SLC16A7: variants seen among roughly 807,000 people sequenced by gnomAD.
SLC16A7 encodes the protein monocarboxylate transporter 2.
Under a neutral mutation model 34.9 loss-of-function variants are expected in SLC16A7, and 33 were observed. The ratio of observed to expected loss-of-function variants is 0.94; its 90% confidence interval spans 0.72 to 1.26. The LOEUF (loss-of-function observed/expected upper bound fraction) is 1.26, where lower values mean the gene tolerates loss of function less well. SLC16A7 is among the 50% of genes most tolerant of loss of function. SLC16A7 has a pLI of 0.00. For synonymous variants in SLC16A7, 201 were observed against 206.6 expected, an observed-to-expected ratio of 0.97 and a Z score of 0.23; for missense variants, 573 against 578.1, an observed-to-expected ratio of 0.99 and a Z score of 0.09.
chr12:59,768,020 C>T, intron 3 of SLC16A7: 2 of 360,654 alleles, frequency 5.5e-6, no homozygotes, highest in Non-Finnish European at 1.1e-5. Flanking sequence ...TGCAGCACAC[C>T]AACATGGCCC....
intron 3 of SLC16A7, among the ~76,000 whole-genome samples, chr12:59,755,308 T>G (rs1880171399): frequency 6.6e-6 from 1 of 152,264 alleles, no homozygotes; most frequent in African/African-American, 2.4e-5. Flanking sequence ...AAAGAGGAAG[T>G]TAAATTGTCC....
At chr12:59,762,521 T>C (rs538791462) in intron 3 of SLC16A7, among the ~76,000 whole-genome samples, 3 of 152,272 alleles carry the variant, frequency 2.0e-5, no homozygotes, top group African/African-American at 4.8e-5. Context: ...AAGGGACATA[T>C]TCAATGTAAA....
chr12:59,624,969 G>A (rs939395121), intron 1 of SLC16A7, among the ~76,000 whole-genome samples: 4 of 151,774 alleles, frequency 2.6e-5, no homozygotes, highest in African/African-American at 9.7e-5. Context: ...AATGTCCCAA[G>A]AGGATATCTG....
chr12:59,671,930 C>CGTAT lies in SLC16A7; in HGVS notation c.-31+16680_-31+16681insGTAT, dbSNP rs1565640908. ...ACATATATGTATATATGTATATATC[C>CGTAT]ATATATGTATATATGTGTATATATG... On this transcript the variant is annotated intron_variant, in intron 2 of 5. Coordinates refer to ENST00000547379, the MANE Select transcript of SLC16A7 (RefSeq NM_001270623.2). Among the ~76,000 whole-genome samples the CGTAT allele has an allele frequency of 8.6e-4, 25 of 28,964 alleles. 5 individuals carry two copies. The highest frequency in any genetic ancestry group is 5.0e-3 in the African/African-American group (25 of 5,024). 19.0% of individuals were successfully genotyped at this position (28,964 alleles called of 152,430 possible).
At chr12:59,682,808 C>T (rs1047406231) in intron 2 of SLC16A7, among the ~76,000 whole-genome samples, 3 of 152,126 alleles carry the variant, frequency 2.0e-5, no homozygotes, top group Admixed American at 6.5e-5. Context: ...CAGTAGCTCA[C>T]GCCTGTAATC....
At chr12:59,645,881 A>T (rs142785290) in intron 1 of SLC16A7, among the ~76,000 whole-genome samples, 11,106 of 152,178 alleles carry the variant, frequency 0.073, 499 homozygotes, top group African/African-American at 0.12. Flanking sequence ...TCAGATGGAG[A>T]TGAGGAACTT....
At chr12:59,760,878 G>T (rs766726037) in intron 3 of SLC16A7, among the ~76,000 whole-genome samples, 11 of 152,112 alleles carry the variant, frequency 7.2e-5, no homozygotes, top group Admixed American at 1.3e-4. Flanking sequence ...AACGCTGAAA[G>T]TGAAACCTTG....
At position 59,789,256 on chromosome 12, in the gene SLC16A7, G is replaced by A. The variant is rs1883829819; in HGVS notation, c.*9577G>A. Reference sequence around the variant, plus strand: ...GCTACTACAGTATTCTACGATGCAGGCTGAATGTATATTACAGTAATTCTC... The same window carrying A: ...GCTACTACAGTATTCTACGATGCAGACTGAATGTATATTACAGTAATTCTC... On this transcript the variant is annotated 3_prime_UTR_variant, in exon 6 of 6. Coordinates refer to ENST00000547379, the MANE Select transcript of SLC16A7 (RefSeq NM_001270623.2). 1 of 152,012 alleles carries A rather than the reference G, an allele frequency of 6.6e-6. No individual in the cohort carries two copies. The highest frequency in any genetic ancestry group is 1.5e-5 in the Non-Finnish European group (1 of 67,966). 9.4% of individuals were successfully genotyped at this position (152,012 alleles called of 1,614,324 possible).
rs184450145 is a variant in SLC16A7, at chr12:59,614,114, G to A, written c.-130+17878G>A. 6.0e-5 allele frequency among the ~76,000 whole-genome samples: 9 copies of A among 150,744 alleles called. 1 individual carries two copies. The highest frequency in any genetic ancestry group is 2.1e-4 in the South Asian group (1 of 4,764). ...CACCCAAGCTGGAGTGCAGTGGTGC[G>A]ATCTCGACTCACTGCAGCCTTCGCC... On this transcript the variant is annotated intron_variant, in intron 1 of 5. Coordinates refer to ENST00000547379, the MANE Select transcript of SLC16A7 (RefSeq NM_001270623.2).
chr12:59,774,451 TTGAAA>T (rs1301238225), intron 4 of SLC16A7, among the ~76,000 whole-genome samples: 14 of 152,226 alleles, frequency 9.2e-5, no homozygotes, highest in Admixed American at 9.2e-4. Context: ...GGAATTAAAC[TTGAAA>T]TGAAACTGTC....
rs1212427341 is a variant in SLC16A7 at position 59,788,795 on chromosome 12, A to T, written c.*9116A>T. ...TGAAAGAACTGGCATTTTCATATGGATACATATTTTGCTTAAACTAAATAA... is the reference window on the plus strand; with the variant it reads ...TGAAAGAACTGGCATTTTCATATGGTTACATATTTTGCTTAAACTAAATAA... On this transcript the variant is annotated 3_prime_UTR_variant, in exon 6 of 6. Transcript: ENST00000547379. 4 of 152,066 alleles carry T rather than the reference A, an allele frequency of 2.6e-5. No homozygotes were observed. Among genetic ancestry groups the T allele is most frequent in the African/African-American group, 9.7e-5 (4 of 41,446 alleles). The allele number at this position is 152,066 out of a possible 1,614,324, so 9.4% of individuals were successfully genotyped here.
intron 4 of SLC16A7, among the ~76,000 whole-genome samples, chr12:59,773,752 A>G (rs1592692177): frequency 1.3e-5 from 2 of 152,000 alleles, no homozygotes; most frequent in East Asian, 3.9e-4. Context: ...TTTAGTAGAG[A>G]CGGGGTTTCA....
rs924219830 is a variant in SLC16A7 at position 59,713,699 on chromosome 12, TG to T, written c.217+8683del. Among the ~76,000 whole-genome samples, 38 of 152,214 alleles carry T rather than the reference TG, an allele frequency of 2.5e-4. 1 individual carries two copies. Among genetic ancestry groups the T allele is most frequent in the Non-Finnish European group, 4.4e-5 (3 of 68,038 alleles). On this transcript the variant is annotated intron_variant, in intron 3 of 5. Transcript: ENST00000547379. ...TAGATTTGACCCTAAGGGGACGCCC[TG>T]GCAATGGCAGACACTAGCCTTGCAC...
At position 59,754,255 on chromosome 12, in the gene SLC16A7, T is replaced by C. The variant is rs192121336; in HGVS notation, c.218-16964T>C. On this transcript the variant is annotated intron_variant, in intron 3 of 5. Coordinates refer to ENST00000547379, the MANE Select transcript of SLC16A7 (RefSeq NM_001270623.2). Reference sequence around the variant, plus strand: ...AGGAGAAGGCAAGAAATAACTAAAATCAGAGCAGAACTGAAGGAAATAGAG... The same window carrying C: ...AGGAGAAGGCAAGAAATAACTAAAACCAGAGCAGAACTGAAGGAAATAGAG... Among the ~76,000 whole-genome samples, 843 of 151,872 alleles carry C rather than the reference T, an allele frequency of 5.6e-3. 3 individuals carry two copies. Among genetic ancestry groups the C allele is most frequent in the African/African-American group, 0.02 (817 of 41,404 alleles).
At chr12:59,630,160 C>G (rs1415639020) in intron 1 of SLC16A7, among the ~76,000 whole-genome samples, 1 of 151,814 alleles carries the variant, frequency 6.6e-6, no homozygotes, top group Non-Finnish European at 1.5e-5. Context: ...AATGATGGCT[C>G]TCTGTTGTGG....
intron 2 of SLC16A7, among the ~76,000 whole-genome samples, chr12:59,678,078 G>T (rs914431193): frequency 6.6e-6 from 1 of 152,170 alleles, no homozygotes; most frequent in Non-Finnish European, 1.5e-5. Flanking sequence ...CAAGTGTGGG[G>T]CTCAGCCACT....
rs560558006 is a variant in SLC16A7 at position 59,723,090 on chromosome 12, AT to A, written c.217+18080del. Among the ~76,000 whole-genome samples the A allele has an allele frequency of 2.2e-4, 34 of 151,874 alleles. 1 individual carries two copies. Among genetic ancestry groups the A allele is most frequent in the African/African-American group, 8.2e-4 (34 of 41,446 alleles). ...GAATATAAATATCATGAGAGCAGAG[AT>A]TTTTTTTCCTTCTGCTTTGTTCATT... On this transcript the variant is annotated intron_variant, in intron 3 of 5. Transcript: ENST00000547379.
At chr12:59,636,603 A>G (rs1880439434) in intron 1 of SLC16A7, among the ~76,000 whole-genome samples, 1 of 152,120 alleles carries the variant, frequency 6.6e-6, no homozygotes, top group South Asian at 2.1e-4. Context: ...AGCTGGGACT[A>G]CAGGTGTGCA....
chr12:59,688,176 C>T (rs943272524), intron 2 of SLC16A7, among the ~76,000 whole-genome samples: 8 of 151,894 alleles, frequency 5.3e-5, no homozygotes, highest in African/African-American at 1.9e-4. Context: ...TGATAATTAC[C>T]AACTAATTGA....
Sources: allele counts gnomAD v4.1 joint callset (sites outside exome capture counted in the v4.1 genomes callset), GRCh38; gene constraint gnomAD v4.1.1; transcripts MANE v1.5; gene names NCBI Gene and HGNC (gene_info 2026-07-23, HGNC 2026-07-21).